The following DCHS2 variants were observed in gnomAD, a reference collection of about 807,000 sequenced individuals.
DCHS2 encodes dachsous cadherin-related 2.
Under a neutral mutation model 182.4 loss-of-function variants are expected in DCHS2, and 142 were observed. That is an observed-to-expected ratio of 0.78 (90% CI 0.68 to 0.89). DCHS2 has a LOEUF of 0.89. DCHS2 is among the 40% of genes least tolerant of loss of function. DCHS2 has a pLI of 0.00. For synonymous variants in DCHS2, 1,740 were observed against 1,663.3 expected (o/e 1.05, Z -1.12); for missense variants, 4,319 against 4,198.6 (o/e 1.03, Z -0.79).
rs1578976397 is a variant in DCHS2 at position 154,333,200 on chromosome 4, G to T, written c.3008C>A (p.Ala1003Glu). Reference sequence around the variant, plus strand: ...GTTCCGCCCACTGTCTCTGTCTTCCGCACGTGCGAGGTACAAGGCTGTGCC... The same window carrying T: ...GTTCCGCCCACTGTCTCTGTCTTCCTCACGTGCGAGGTACAAGGCTGTGCC... ...PPGTALYLAR[A>E]EDRDSGRNGL... Residue 1003 changes from alanine to glutamate, a missense_variant, in exon 5 of 20, where the codon GCG becomes GAG. Ala to Glu is a moderately radical substitution (Grantham distance 107, BLOSUM62 -1). Coordinates refer to ENST00000357232, the MANE Select transcript of DCHS2 (RefSeq NM_001358235.2). 2 of 1,614,216 alleles carry T rather than the reference G, an allele frequency of 1.2e-6. No homozygotes were observed. Among genetic ancestry groups the T allele is most frequent in the East Asian group, 2.2e-5 (1 of 44,872 alleles).
intron 1 of DCHS2, among the ~76,000 whole-genome samples, chr4:154,487,975 C>T (rs1028851273): frequency 2.6e-5 from 4 of 152,006 alleles, no homozygotes; most frequent in Non-Finnish European, 4.4e-5. Context: ...CCCAGGAGTT[C>T]GAGACCAGCC....
intron 1 of DCHS2, among the ~76,000 whole-genome samples, chr4:154,428,875 C>T (rs1006556482): frequency 7.2e-5 from 11 of 151,748 alleles, no homozygotes; most frequent in Admixed American, 7.2e-4. Context: ...TGCACTTCAG[C>T]CTGGGCCCTG....
intron 1 of DCHS2, among the ~76,000 whole-genome samples, chr4:154,440,959 G>GGCAT (rs1035324570): frequency 6.6e-6 from 1 of 152,172 alleles, no homozygotes; most frequent in African/African-American, 2.4e-5. Context: ...ATGTGCAAAA[G>GGCAT]GCATACACAT....
chr4:154,268,297 T>C (rs1197504281), intron 14 of DCHS2, among the ~76,000 whole-genome samples: 1 of 150,734 alleles, frequency 6.6e-6, no homozygotes, highest in Non-Finnish European at 1.5e-5. Context: ...GAATCCAGAA[T>C]ACTACACTCG....
intron 13 of DCHS2, among the ~76,000 whole-genome samples, chr4:154,280,625 C>A (rs1173748377): frequency 6.6e-6 from 1 of 152,066 alleles, no homozygotes; most frequent in East Asian, 1.9e-4. Flanking sequence ...ATAAAAATTA[C>A]ATGATCATCT....
intron 17 of DCHS2, among the ~76,000 whole-genome samples, chr4:154,241,196 G>A (rs1334407371): frequency 6.6e-6 from 1 of 152,062 alleles, no homozygotes; most frequent in Admixed American, 6.6e-5. Context: ...GGGATGAAAG[G>A]TATTACTCAG....
In DCHS2 at chr4:154,491,517, G is replaced by T; in HGVS notation, c.-162C>A. On this transcript the variant is annotated 5_prime_UTR_variant, in exon 1 of 20. Transcript: ENST00000357232. The stretch of plus-strand genomic sequence containing the variant: ...AATTCCCGAGGTTACATCTGCAACT[G>T]GTGAAAGCGTCCTCTGCCTGCAGCT... The T allele has an allele frequency of 1.4e-6, 2 of 1,398,992 alleles. No homozygotes were observed. The highest frequency in any genetic ancestry group is 2.7e-5 in the East Asian group (1 of 37,530). 86.7% of individuals were successfully genotyped at this position (1,398,992 alleles called of 1,614,324 possible). A position where few individuals can be genotyped will look rare whatever the true frequency, so the allele number is the denominator to read the frequency against.
chr4:154,323,667 C>T (rs1000646071), intron 7 of DCHS2, among the ~76,000 whole-genome samples: 3 of 152,268 alleles, frequency 2.0e-5, no homozygotes, highest in East Asian at 1.9e-4. Flanking sequence ...AAAAACTCTA[C>T]GCCTGATTCA....
chr4:154,487,232 T>C (rs1728620051), intron 1 of DCHS2, among the ~76,000 whole-genome samples: 1 of 152,204 alleles, frequency 6.6e-6, no homozygotes, highest in Non-Finnish European at 1.5e-5. Context: ...TTTTTAGAAA[T>C]CCATGGAAGA....
At chr4:154,419,821 C>CA (rs369876828) in intron 1 of DCHS2, among the ~76,000 whole-genome samples, 1,313 of 122,542 alleles carry the variant, frequency 0.011, 24 homozygotes, top group African/African-American at 0.029. Flanking sequence ...AGAACAAGAC[C>CA]AAAAAAAAAA....
chr4:154,453,785 T>C (rs1205738258), intron 1 of DCHS2, among the ~76,000 whole-genome samples: 1 of 152,176 alleles, frequency 6.6e-6, no homozygotes, highest in Non-Finnish European at 1.5e-5. Context: ...ATGAATCTCT[T>C]GCCTATCTAA....
At chr4:154,364,799 C>A (rs992662311) in intron 3 of DCHS2, among the ~76,000 whole-genome samples, 1 of 152,062 alleles carries the variant, frequency 6.6e-6, no homozygotes, top group Non-Finnish European at 1.5e-5. Flanking sequence ...TCCAATAAGA[C>A]AATGTACAGA....
chr4:154,332,241 G>T (rs118016158), intron 5 of DCHS2, among the ~76,000 whole-genome samples: 3 of 152,168 alleles, frequency 2.0e-5, no homozygotes, highest in Non-Finnish European at 4.4e-5. Context: ...ATTATTATGG[G>T]TGAAACTCTA....
At chr4:154,331,390 T>G (rs1394096702) in intron 5 of DCHS2, among the ~76,000 whole-genome samples, 4 of 152,010 alleles carry the variant, frequency 2.6e-5, no homozygotes, top group African/African-American at 9.7e-5. Context: ...AAAAAACAAG[T>G]GAAATAGAAG....
At chr4:154,346,918 T>C (rs1729387875) in intron 3 of DCHS2, among the ~76,000 whole-genome samples, 1 of 151,880 alleles carries the variant, frequency 6.6e-6, no homozygotes, top group Non-Finnish European at 1.5e-5. Context: ...TTTTTAGTGA[T>C]AATGTCCGAC....
At chr4:154,461,990 G>A (rs1055334524) in intron 1 of DCHS2, among the ~76,000 whole-genome samples, 2 of 152,096 alleles carry the variant, frequency 1.3e-5, no homozygotes, top group East Asian at 1.9e-4. Flanking sequence ...AAGCACAAGA[G>A]GGAGGTCATG....
intron 10 of DCHS2, among the ~76,000 whole-genome samples, chr4:154,312,478 A>G (rs1254730732): frequency 6.6e-6 from 1 of 152,184 alleles, no homozygotes; most frequent in Non-Finnish European, 1.5e-5. Flanking sequence ...GAAGCCAGGC[A>G]TTTGAGGCTA....
chr4:154,482,627 G>A (rs1735964661), intron 1 of DCHS2, among the ~76,000 whole-genome samples: 1 of 152,190 alleles, frequency 6.6e-6, no homozygotes, highest in East Asian at 1.9e-4. Context: ...CGTATTATGT[G>A]CTAAGAGAAT....
intron 1 of DCHS2, among the ~76,000 whole-genome samples, chr4:154,396,968 G>T (rs974186756): frequency 1.3e-5 from 2 of 152,080 alleles, no homozygotes; most frequent in African/African-American, 4.8e-5. Context: ...TCTTCAAACA[G>T]AATCTGAAGG....
Sources: gnomAD v4.1 joint callset for allele counts (sites outside exome capture counted in the v4.1 genomes callset) on GRCh38, gnomAD v4.1.1 for gene constraint, MANE v1.5 for transcripts, NCBI Gene and HGNC (gene_info 2026-07-23, HGNC 2026-07-21) for gene names.